EIF2AK4: variants seen among roughly 807,000 people sequenced by gnomAD.
The protein encoded by EIF2AK4 is eukaryotic translation initiation factor 2 alpha kinase 4, also known as eIF-2-alpha kinase GCN2.
EIF2AK4 carries 139 observed loss-of-function variants against 211.1 expected under a neutral mutation model. That is an observed-to-expected ratio of 0.66 (90% CI 0.57 to 0.76). The LOEUF (loss-of-function observed/expected upper bound fraction) is 0.76, where lower values mean the gene tolerates loss of function less well. EIF2AK4 is among the 30% of genes least tolerant of loss of function. The pLI is 0.00. For missense variants in EIF2AK4, 1,664 were observed against 2,043.8 expected (o/e 0.81, Z 3.58); for synonymous variants, 710 against 751.3 (o/e 0.94, Z 0.90).
At chr15:39,981,623 T>C (rs901821246) in intron 13 of EIF2AK4, among the ~76,000 whole-genome samples, 1 of 152,062 alleles carries the variant, frequency 6.6e-6, no homozygotes, top group Non-Finnish European at 1.5e-5. Context: ...TTTTTTTTCT[T>C]TGATAAAGGA....
chr15:39,983,874 T>C (rs1353376481), intron 13 of EIF2AK4, among the ~76,000 whole-genome samples: 1 of 152,248 alleles, frequency 6.6e-6, no homozygotes, highest in East Asian at 1.9e-4. Flanking sequence ...CATTTGTCAA[T>C]TTTGGCTTTT....
chr15:39,953,432 G>A (rs1233105173), intron 4 of EIF2AK4, among the ~76,000 whole-genome samples: 1 of 152,134 alleles, frequency 6.6e-6, no homozygotes, highest in Non-Finnish European at 1.5e-5. Flanking sequence ...TTGAAGAATG[G>A]CAGGTAGGTA....
rs1327297003 is a variant in EIF2AK4 at position 40,030,388 on chromosome 15, GT to G, written c.4593del (p.Ile1533LeufsTer2). On this transcript the variant is annotated frameshift_variant, in exon 35 of 39. Coordinates refer to ENST00000263791, the MANE Select transcript of EIF2AK4 (RefSeq NM_001013703.4). LOFTEE classifies it high-confidence loss of function. ...GTTTGAAATCCATGGAGCAACAGTG[GT>G]TCCCATTGTGAGTGTGCTAGCCCCG... ...GLFEIHGATV[V>X]PIVSVLAPEK... 5 of 1,614,020 alleles carry G rather than the reference GT, an allele frequency of 3.1e-6. No homozygotes were observed. The highest frequency in any genetic ancestry group is 4.2e-6 in the Non-Finnish European group (5 of 1,180,018).
Position 40,035,193 on chromosome 15 carries a change from G to A in EIF2AK4, c.*109G>A. 4 of 878,226 alleles carry A rather than the reference G, an allele frequency of 4.6e-6. No homozygotes were observed. Among genetic ancestry groups the A allele is most frequent in the Non-Finnish European group, 6.5e-6 (4 of 618,822 alleles). The allele number at this position is 878,226 out of a possible 1,614,324, so 54.4% of individuals were successfully genotyped here. A position where few individuals can be genotyped will look rare whatever the true frequency, so the allele number is the denominator to read the frequency against. On this transcript the variant is annotated 3_prime_UTR_variant, in exon 39 of 39. Coordinates refer to ENST00000263791, the MANE Select transcript of EIF2AK4 (RefSeq NM_001013703.4). ...AAAATTAAATTCTAAGAAGAGGCTG[G>A]GTGCAGTGGCTCACACCTTTAATCC...
intron 9 of EIF2AK4, among the ~76,000 whole-genome samples, chr15:39,969,815 C>G (rs1272385380): frequency 6.6e-6 from 1 of 152,176 alleles, no homozygotes; most frequent in Non-Finnish European, 1.5e-5. Context: ...ATGCCATTCA[C>G]AAAGAATGAA....
At chr15:39,986,650 T>G (rs530755309) in intron 14 of EIF2AK4, among the ~76,000 whole-genome samples, 38 of 152,266 alleles carry the variant, frequency 2.5e-4, no homozygotes, top group Middle Eastern at 3.4e-3. Context: ...GGTCAGGAGT[T>G]TGAGACCAGT....
chr15:39,953,852 T>C (rs1452261548), intron 4 of EIF2AK4, 52 bp from the exon 5 acceptor site: 1 of 1,540,670 alleles, frequency 6.5e-7, no homozygotes, highest in African/African-American at 1.4e-5. Context: ...ATAATTTATA[T>C]GTTGTATGGG....
chr15:39,980,714 G>T (rs2034770167), intron 13 of EIF2AK4, among the ~76,000 whole-genome samples: 1 of 152,042 alleles, frequency 6.6e-6, no homozygotes, highest in South Asian at 2.1e-4. Context: ...TAAGAGGCAG[G>T]GTCTCCATCT....
intron 13 of EIF2AK4, among the ~76,000 whole-genome samples, chr15:39,980,772 T>C (rs547017044): frequency 2.0e-4 from 30 of 152,300 alleles, no homozygotes; most frequent in Middle Eastern, 3.4e-3. Flanking sequence ...CACTGCAGCC[T>C]AGAACTCCTG....
intron 9 of EIF2AK4, among the ~76,000 whole-genome samples, chr15:39,970,915 G>A (rs72729488): frequency 0.29 from 43,682 of 152,008 alleles, 6,352 homozygotes; most frequent in South Asian, 0.3. Flanking sequence ...ATGAAATTAG[G>A]AGTACCTTGC....
intron 3 of EIF2AK4, chr15:39,946,744 C>T (rs971216459): frequency 2.1e-5 from 14 of 680,140 alleles, no homozygotes; most frequent in African/African-American, 1.9e-4. Flanking sequence ...AAGAAATTGC[C>T]GCAACCACCC....
chr15:39,998,270 G>GTTTTTTTTTTTTTT (rs11435806), intron 19 of EIF2AK4, among the ~76,000 whole-genome samples: 70 of 125,318 alleles, frequency 5.6e-4, no homozygotes, highest in East Asian at 1.2e-3. Flanking sequence ...TTTTTTTTTT[G>GTTTTTTTTTTTTTT]TTTTGTTTTT....
chr15:39,994,491 C>T (rs2034993135), intron 18 of EIF2AK4, among the ~76,000 whole-genome samples: 1 of 152,134 alleles, frequency 6.6e-6, no homozygotes, highest in African/African-American at 2.4e-5. Context: ...CGTCTGTAGT[C>T]CCAGCTCCTC....
intron 13 of EIF2AK4, among the ~76,000 whole-genome samples, chr15:39,980,906 G>T (rs1380357935): frequency 6.6e-6 from 1 of 152,086 alleles, no homozygotes; most frequent in Non-Finnish European, 1.5e-5. Context: ...AGTTACAAGG[G>T]TTCATTCATA....
intron 19 of EIF2AK4, among the ~76,000 whole-genome samples, chr15:39,997,704 A>T (rs1419857377): frequency 1.3e-5 from 2 of 152,188 alleles, no homozygotes; most frequent in African/African-American, 4.8e-5. Flanking sequence ...TGTTTTTCCC[A>T]ATGAAATTTC....
chr15:40,017,574 T>G (rs2035327780), intron 29 of EIF2AK4, among the ~76,000 whole-genome samples: 1 of 130,408 alleles, frequency 7.7e-6, no homozygotes, highest in African/African-American at 2.9e-5. Context: ...AGACAGGGCC[T>G]TGCTCTGTCA....
chr15:39,966,675 GGT>G (rs1026260835), intron 8 of EIF2AK4, among the ~76,000 whole-genome samples: 9 of 152,070 alleles, frequency 5.9e-5, no homozygotes, highest in African/African-American at 2.2e-4. Context: ...GATAAAGCAT[GGT>G]GTTCAGAAAT....
chr15:40,027,129 T>C (rs1208762175), intron 33 of EIF2AK4, among the ~76,000 whole-genome samples: 1 of 152,216 alleles, frequency 6.6e-6, no homozygotes, highest in Non-Finnish European at 1.5e-5. Context: ...GAAAAACAAC[T>C]GTTTTCCAAA....
In EIF2AK4 at chr15:39,967,318, C is replaced by CTTT. The variant is rs33911018; in HGVS notation, c.1018-13_1018-11dup. 2,687 of 1,376,162 alleles carry CTTT rather than the reference C, an allele frequency of 2.0e-3. 2 individuals are homozygous for CTTT. Among genetic ancestry groups the CTTT allele is most frequent in the Non-Finnish European group, 2.1e-3 (2,194 of 1,034,824 alleles). The allele number at this position is 1,376,162 out of a possible 1,614,324, so 85.2% of individuals were successfully genotyped here. ...AGTTAATGTTGACTGGCCCAATATTCTTTTTTTTTTTTTTTAACTTATCAG... is the reference window on the plus strand; with the variant it reads ...AGTTAATGTTGACTGGCCCAATATTCTTTTTTTTTTTTTTTTTTAACTTATCAG... On this transcript the variant is annotated intron_variant, in intron 8 of 38. Coordinates refer to ENST00000263791, the MANE Select transcript of EIF2AK4 (RefSeq NM_001013703.4).
Sources: allele counts gnomAD v4.1 joint callset (sites outside exome capture counted in the v4.1 genomes callset), GRCh38; gene constraint gnomAD v4.1.1; transcripts MANE v1.5; gene names NCBI Gene and HGNC (gene_info 2026-07-23, HGNC 2026-07-21).